The following POLA1 variants were observed in gnomAD, a reference collection of about 807,000 sequenced individuals.
The protein encoded by POLA1 is DNA polymerase alpha 1, catalytic subunit.
POLA1 carries 15 observed loss-of-function variants against 124.0 expected under a neutral mutation model. The observed-to-expected ratio is 0.12, with a 90% CI of 0.08 to 0.19. POLA1 has a LOEUF of 0.19. POLA1 is among the 10% of genes least tolerant of loss of function. The probability of loss-of-function intolerance (pLI) is 1.00; values close to 1 mark genes in which losing one functional copy is unlikely to be tolerated. For synonymous variants in POLA1, 408 were observed against 389.4 expected (o/e 1.05, Z -0.56); for missense variants, 886 against 1,103.4 (o/e 0.80, Z 2.79).
At chrX:24,855,659 T>G (rs1217454373) in intron 34 of POLA1, among the ~76,000 whole-genome samples, 1 of 111,833 alleles carries the variant, frequency 8.9e-6, no homozygotes, top group Non-Finnish European at 1.9e-5. Flanking sequence ...AAATCATATC[T>G]TCAATTCATT....
At chrX:24,766,053 G>A (rs1932897842) in intron 26 of POLA1, among the ~76,000 whole-genome samples, 1 of 112,304 alleles carries the variant, frequency 8.9e-6, no homozygotes, top group South Asian at 3.7e-4. Flanking sequence ...CTGCTGTATA[G>A]TATTCCATCA....
At chrX:24,829,700 C>T (rs2046232443) in intron 32 of POLA1, among the ~76,000 whole-genome samples, 1 of 111,949 alleles carries the variant, frequency 8.9e-6, no homozygotes, top group Non-Finnish European at 1.9e-5. Flanking sequence ...GTAGGGGCTT[C>T]GAGGCCCCTG....
At chrX:24,789,211 G>A (rs2045443058) in intron 26 of POLA1, 6 of 516,324 alleles carry the variant, frequency 1.2e-5, no homozygotes, top group Admixed American at 1.1e-4. Flanking sequence ...AAAGGAAGAA[G>A]TTAAACTGTT....
At chrX:24,960,554 C>A (rs1199227769) in intron 36 of POLA1, among the ~76,000 whole-genome samples, 1 of 111,768 alleles carries the variant, frequency 8.9e-6, no homozygotes, top group East Asian at 2.8e-4. Context: ...ATAAGATAAT[C>A]TTTCTTTTGG....
chrX:24,744,442 G>A lies in POLA1; in HGVS notation c.2567-976G>A, dbSNP rs369100925. The A allele has an allele frequency of 1.7e-3, 557 of 334,831 alleles. 1 individual carries two copies. The highest frequency in any genetic ancestry group is 8.5e-3 in the Middle Eastern group (10 of 1,174). The allele number at this position is 334,831 out of a possible 1,213,427, so 27.6% of individuals were successfully genotyped here. On this transcript the variant is annotated intron_variant, in intron 23 of 36. Transcript: ENST00000379068. ...TTGCAATTATTATTGTCTTAATAGT[G>A]GACATTTATTTTTATTCAGTTTCTT...
At chrX:24,908,321 C>A (rs913205202) in intron 35 of POLA1, among the ~76,000 whole-genome samples, 16 of 109,216 alleles carry the variant, frequency 1.5e-4, no homozygotes, top group African/African-American at 5.3e-4. Context: ...ATGTGCCATG[C>A]TGGTGTGCTG....
chrX:24,724,895 A>G (rs1051371219), intron 12 of POLA1, among the ~76,000 whole-genome samples: 1 of 112,129 alleles, frequency 8.9e-6, no homozygotes, highest in African/African-American at 3.2e-5. Context: ...GTTATGATAC[A>G]TTGTCTTGAT....
At chrX:24,937,297 G>A (rs1037821935) in intron 36 of POLA1, among the ~76,000 whole-genome samples, 8 of 111,433 alleles carry the variant, frequency 7.2e-5, no homozygotes, top group Non-Finnish European at 1.5e-4. Flanking sequence ...TACAAAACTA[G>A]ATAACTTATG....
At chrX:24,852,655 G>C (rs1355091658) in intron 34 of POLA1, among the ~76,000 whole-genome samples, 1 of 111,743 alleles carries the variant, frequency 8.9e-6, no homozygotes, top group Non-Finnish European at 1.9e-5. Context: ...TTTTGTCTTG[G>C]TTCAAAACTC....
chrX:24,747,019 G>C (rs1393311982), intron 24 of POLA1, among the ~76,000 whole-genome samples: 3 of 111,698 alleles, frequency 2.7e-5, no homozygotes, highest in Non-Finnish European at 5.6e-5. Context: ...GAAGACTGCT[G>C]GTTGCTTTTC....
intron 35 of POLA1, among the ~76,000 whole-genome samples, chrX:24,921,617 G>C (rs965450790): frequency 2.7e-5 from 3 of 111,972 alleles, no homozygotes; most frequent in African/African-American, 6.5e-5. Context: ...ATGAATACAG[G>C]TGGCTCATGC....
chrX:24,962,503 A>G (rs776422967), intron 36 of POLA1, among the ~76,000 whole-genome samples: 4 of 112,196 alleles, frequency 3.6e-5, no homozygotes, highest in Non-Finnish European at 7.5e-5. Flanking sequence ...AGTGTTTACT[A>G]TATGTTTTAG....
intron 26 of POLA1, among the ~76,000 whole-genome samples, chrX:24,798,386 C>T (rs749366828): frequency 1.9e-4 from 21 of 111,078 alleles, no homozygotes; most frequent in Non-Finnish European, 4.0e-4. Flanking sequence ...CCAGAGTCAG[C>T]AAGACCAGCC....
chrX:24,950,341 A>C (rs1295565952), intron 36 of POLA1, among the ~76,000 whole-genome samples: 3 of 112,050 alleles, frequency 2.7e-5, no homozygotes, highest in Non-Finnish European at 5.6e-5. Flanking sequence ...GAATGTAGCT[A>C]GTGCGACTGA....
chrX:24,879,620 T>C (rs1397115291), intron 34 of POLA1, among the ~76,000 whole-genome samples: 2 of 111,758 alleles, frequency 1.8e-5, no homozygotes, highest in Non-Finnish European at 3.8e-5. Flanking sequence ...GCAAAATTAT[T>C]CCTGAAGCAA....
intron 36 of POLA1, among the ~76,000 whole-genome samples, chrX:24,950,651 C>T (rs2048024486): frequency 8.9e-6 from 1 of 112,013 alleles, no homozygotes. Flanking sequence ...GAATCATACA[C>T]AGGTAGCATT....
chrX:24,717,217 G>A lies in POLA1; in HGVS notation c.707-73G>A, dbSNP rs1467195530. 4 of 813,268 alleles carry A rather than the reference G, an allele frequency of 4.9e-6. No homozygotes were observed. The African/African-American group carries it at 8.7e-5, about 18-fold the overall frequency. 67.0% of individuals were successfully genotyped at this position (813,268 alleles called of 1,213,427 possible). ...TTTAGTGTTGGATAAGCCTTTGTGC[G>A]CCTTTGTGTGCCTTTGTGTGCCTTT... On this transcript the variant is annotated intron_variant, in intron 8 of 36. Transcript: ENST00000379068.
intron 26 of POLA1, among the ~76,000 whole-genome samples, chrX:24,756,584 T>G (rs1365545450): frequency 4.5e-5 from 5 of 110,203 alleles, no homozygotes; most frequent in African/African-American, 1.7e-4. Flanking sequence ...AAATTGAAAT[T>G]TTACTGATTC....
chrX:24,842,421 T>A lies in POLA1; in HGVS notation c.3915+591T>A, dbSNP rs762008304. 1.2e-4 allele frequency among the ~76,000 whole-genome samples: 14 copies of A among 112,388 alleles called. No homozygotes were observed. In the South Asian group the frequency reaches 5.2e-3, roughly 41 times the overall value. On this transcript the variant is annotated intron_variant, in intron 33 of 36. Coordinates refer to ENST00000379068, the MANE Select transcript of POLA1 (RefSeq NM_001330360.2). ...TGAAACTTGGCCAATTTACTTGATT[T>A]CCACTGCAGTGTTATGCATGTACTA...
Sources: allele counts gnomAD v4.1 joint callset (sites outside exome capture counted in the v4.1 genomes callset), GRCh38; gene constraint gnomAD v4.1.1; transcripts MANE v1.5; gene names NCBI Gene and HGNC (gene_info 2026-07-23, HGNC 2026-07-21).